The following TMPRSS9 variants were observed in gnomAD, a reference collection of about 807,000 sequenced individuals.
The protein encoded by TMPRSS9 is transmembrane serine protease 9.
In TMPRSS9, 113 loss-of-function variants were observed where a neutral mutation model predicts 111.4. The ratio of observed to expected loss-of-function variants is 1.01; its 90% CI spans 0.87 to 1.19. The LOEUF is 1.19. Among genes scored for constraint, TMPRSS9 ranks in the 50% most tolerant of loss-of-function variants. TMPRSS9 has a pLI of 0.00. For missense variants in TMPRSS9, 1,803 were observed against 1,513.1 expected (o/e 1.19, Z -3.18); for synonymous variants, 805 against 659.1 (o/e 1.22, Z -3.39).
chr19:2,415,597 G>A, intron 10 of TMPRSS9, 73 bp from the exon 12 acceptor site: 1 of 1,373,954 alleles, frequency 7.3e-7, no homozygotes, highest in Non-Finnish European at 9.6e-7. Flanking sequence ...CCGGTGTCCT[G>A]GGACCACCCC....
At chr19:2,388,130 G>A (rs141478410), upstream of TMPRSS9, among the ~76,000 whole-genome samples, 628 of 152,232 alleles carry the variant, frequency 4.1e-3, 6 homozygotes, top group African/African-American at 0.014. Context: ...GGTGGCTCAC[G>A]CCGGTAATCC....
intron 1 of TMPRSS9, among the ~76,000 whole-genome samples, chr19:2,363,661 C>G (rs554008082): frequency 6.6e-6 from 1 of 151,486 alleles, no homozygotes; most frequent in African/African-American, 2.4e-5. Flanking sequence ...TTAGAGCTCC[C>G]GGCCCTGCGC....
intron 1 of TMPRSS9, among the ~76,000 whole-genome samples, chr19:2,361,366 G>A (rs965025372): frequency 1.4e-5 from 2 of 144,132 alleles, no homozygotes; most frequent in African/African-American, 5.1e-5. Context: ...TGAGTCTGGG[G>A]TGGGAGGGGG....
rs550258692 is a variant in TMPRSS9 at position 2,415,710 on chromosome 19, C to T, written c.1614C>T (p.Val538=). Residue 538 remains valine (V), a synonymous_variant, in exon 11 of 18, where the codon GTC becomes GTT. Coordinates refer to ENST00000648592, the Ensembl canonical transcript of TMPRSS9. ...CTGCAATGGAGAAGCCCACCCGGGT[C>T]GTGGGCGGGTTCGGAGCTGCCTCCG... 88 of 1,608,048 alleles carry T rather than the reference C, an allele frequency of 5.5e-5. 1 individual carries two copies. Among genetic ancestry groups the T allele is most frequent in the South Asian group, 3.9e-4 (35 of 90,266 alleles).
rs149635897 is a variant in TMPRSS9, at chr19:2,422,089, C to G, written c.2390C>G (p.Thr797Arg). The change falls in exon 14 of 18, where the codon ACA becomes AGA. Residue 797 changes from threonine (T) to arginine (R), a missense_variant. Coordinates refer to ENST00000648592, the Ensembl canonical transcript of TMPRSS9. Reference sequence around the variant, plus strand: ...AGCCCCAGGACGACAGCTGGCCTCACAGTCCCGGGGGCCACACCCAGCAGA... The same window carrying G: ...AGCCCCAGGACGACAGCTGGCCTCAGAGTCCCGGGGGCCACACCCAGCAGA... The G allele has an allele frequency of 1.4e-4, 231 of 1,607,728 alleles. 1 individual carries two copies. In the African/African-American group the frequency reaches 2.6e-3, roughly 18 times the overall value.
At chr19:2,362,812 G>T (rs1219269144) in intron 1 of TMPRSS9, among the ~76,000 whole-genome samples, 1 of 151,832 alleles carries the variant, frequency 6.6e-6, no homozygotes, top group Non-Finnish European at 1.5e-5. Flanking sequence ...GGTTGTATGT[G>T]GTTGTGTGAG....
chr19:2,423,474 C>T (rs1018202847), intron 14 of TMPRSS9, among the ~76,000 whole-genome samples: 2 of 43,262 alleles, frequency 4.6e-5, no homozygotes, highest in South Asian at 5.6e-4. Flanking sequence ...GGGTGGGGGG[C>T]GGGGGGGACC....
At chr19:2,360,446 T>C (rs893127132) in intron 1 of TMPRSS9, among the ~76,000 whole-genome samples, 86 bp downstream of exon 1, 2 of 152,054 alleles carry the variant, frequency 1.3e-5, no homozygotes, top group Admixed American at 6.5e-5. Flanking sequence ...CCGGGGCTGT[T>C]TGGTTGCCTC....
chr19:2,406,227 T>C (rs1267078697), intron 7 of TMPRSS9, among the ~76,000 whole-genome samples: 14 of 144,128 alleles, frequency 9.7e-5, no homozygotes, highest in Admixed American at 4.2e-4. Flanking sequence ...ACCATGTTAG[T>C]CAGGATGGTC....
At chr19:2,371,305 T>C (rs1970288754) in intron 1 of TMPRSS9, among the ~76,000 whole-genome samples, 1 of 152,148 alleles carries the variant, frequency 6.6e-6, no homozygotes, top group Admixed American at 6.6e-5. Context: ...TAGTCCCTCC[T>C]TGGGGGCCCC....
chr19:2,425,759 C>A, intron 17 of TMPRSS9, 168 bp from the exon 19 acceptor site: 1 of 1,175,900 alleles, frequency 8.5e-7, no homozygotes, highest in South Asian at 1.7e-5. Context: ...GACCACGTGG[C>A]GGGTGTCCAT....
chr19:2,390,231 G>GTTTTTTTTTTTT (rs1198106187), intron 1 of TMPRSS9, among the ~76,000 whole-genome samples: 2 of 110,590 alleles, frequency 1.8e-5, no homozygotes, highest in African/African-American at 3.6e-5. Flanking sequence ...ACCCAAAGTA[G>GTTTTTTTTTTTT]TTTTTTTTTT....
intron 1 of TMPRSS9, among the ~76,000 whole-genome samples, chr19:2,380,210 A>C (rs1458265981): frequency 6.6e-6 from 1 of 152,052 alleles, no homozygotes; most frequent in Non-Finnish European, 1.5e-5. Flanking sequence ...TTTGAGCCCA[A>C]GAAATCGAGG....
intron 1 of TMPRSS9, among the ~76,000 whole-genome samples, chr19:2,381,618 G>A (rs1485038523): frequency 2.0e-5 from 3 of 149,476 alleles, no homozygotes; most frequent in Non-Finnish European, 4.5e-5. Context: ...CTTGCTCCAT[G>A]CCGCCCCTGC....
At chr19:2,410,087 G>C (rs1168639475) in intron 8 of TMPRSS9, among the ~76,000 whole-genome samples, 171 bp from the exon 10 acceptor site, 5 of 152,126 alleles carry the variant, frequency 3.3e-5, no homozygotes, top group African/African-American at 1.2e-4. Flanking sequence ...AGTGTTACCA[G>C]GTGGGGTGTT....
intron 2 of TMPRSS9, among the ~76,000 whole-genome samples, chr19:2,397,454 A>C (rs1287714740): frequency 6.6e-6 from 1 of 152,070 alleles, no homozygotes; most frequent in Non-Finnish European, 1.5e-5. Context: ...CCTAGGATGA[A>C]CAGGGAAACA....
chr19:2,425,568 C>A, intron 17 of TMPRSS9, 75 bp downstream of exon 18: 1 of 1,422,578 alleles, frequency 7.0e-7, no homozygotes, highest in Non-Finnish European at 9.2e-7. Flanking sequence ...TGCCACGAAG[C>A]CCACCATCCG....
chr19:2,425,150 G>T, exon 16 of TMPRSS9: 1 of 1,575,852 alleles, frequency 6.3e-7, no homozygotes, highest in Non-Finnish European at 8.6e-7. Flanking sequence ...GCTGGAGCTG[G>T]CGGGGCCGGT....
upstream of TMPRSS9, chr19:2,389,672 T>C: frequency 7.4e-7 from 1 of 1,348,940 alleles, no homozygotes; most frequent in South Asian, 1.5e-5. Flanking sequence ...CCCGCCGTTT[T>C]TAAGGGTATA....
Sources: gnomAD v4.1 joint callset for allele counts (sites outside exome capture counted in the v4.1 genomes callset) on GRCh38, gnomAD v4.1.1 for gene constraint, MANE v1.5 for transcripts, NCBI Gene and HGNC (gene_info 2026-07-23, HGNC 2026-07-21) for gene names.